LOXL1: variants seen among roughly 807,000 people sequenced by gnomAD.
The protein encoded by LOXL1 is lysyl oxidase like 1, also known as lysyl oxidase homolog 1.
Under a neutral mutation model 62.2 loss-of-function variants are expected in LOXL1, and 31 were observed. The ratio of observed to expected loss-of-function variants is 0.50; its 90% CI spans 0.37 to 0.67. The LOEUF (loss-of-function observed/expected upper bound fraction) is 0.67, where lower values mean the gene tolerates loss of function less well. Ranked by LOEUF, LOXL1 falls within the 30% of genes least tolerant of loss-of-function variation. The pLI is 0.00. For synonymous variants in LOXL1, 403 were observed against 384.4 expected (o/e 1.05, Z -0.56); for missense variants, 775 against 843.4 (o/e 0.92, Z 1.00).
At chr15:73,939,083 T>G (rs151139630) in intron 1 of LOXL1, among the ~76,000 whole-genome samples, 1 of 152,190 alleles carries the variant, frequency 6.6e-6, no homozygotes, top group East Asian at 1.9e-4. Flanking sequence ...CCAGCCTCCT[T>G]ACTCCTACAC....
intron 1 of LOXL1, among the ~76,000 whole-genome samples, chr15:73,933,679 T>G (rs2068650752): frequency 6.6e-6 from 1 of 152,202 alleles, no homozygotes; most frequent in Non-Finnish European, 1.5e-5. Context: ...CTACCTCCTT[T>G]CTAAGCTGGG....
rs190536464 is a variant in LOXL1 at position 73,946,224 on chromosome 15, G to A, written c.1212-193G>A. ...AAGGAGGGGACAGCCAGGATTTCAC[G>A]GGGTCAGAAGACAGAGGAAGAGGCC... On this transcript the variant is annotated intron_variant, in intron 2 of 6. Transcript: ENST00000261921. 927 of 572,954 alleles carry A rather than the reference G, an allele frequency of 1.6e-3. 3 individuals are homozygous for A. The highest frequency in any genetic ancestry group is 2.3e-3 in the Non-Finnish European group (723 of 321,218). 35.5% of individuals were successfully genotyped at this position (572,954 alleles called of 1,614,324 possible).
Position 73,927,507 on chromosome 15 carries a change from G to A in LOXL1, c.724G>A (p.Glu242Lys). The A allele has an allele frequency of 6.8e-7, 1 of 1,481,304 alleles. No homozygotes were observed. Among genetic ancestry groups the A allele is most frequent in the Non-Finnish European group, 8.9e-7 (1 of 1,121,912 alleles). 91.8% of individuals were successfully genotyped at this position (1,481,304 alleles called of 1,614,324 possible). A position where few individuals can be genotyped will look rare whatever the true frequency, so the allele number is the denominator to read the frequency against. Residue 242 changes from glutamate to lysine, a missense_variant, in exon 1 of 7, where the codon GAG becomes AAG. By Grantham distance (56) the Glu-to-Lys change is moderately conservative. Coordinates refer to ENST00000261921, the MANE Select transcript of LOXL1 (RefSeq NM_005576.4). ...ARYEEYGGGE[E>K]LPEYPPQGFY... ...CTACGAGGAGTACGGCGGCGGCGAA[G>A]AGCTGCCCGAGTACCCGCCTCAGGG...
intron 1 of LOXL1, among the ~76,000 whole-genome samples, chr15:73,934,748 A>C (rs2068659199): frequency 6.6e-6 from 1 of 152,252 alleles, no homozygotes; most frequent in Non-Finnish European, 1.5e-5. Context: ...GTATAAACAT[A>C]ATAAATATGT....
At chr15:73,941,105 G>A (rs1021690140) in intron 1 of LOXL1, among the ~76,000 whole-genome samples, 2 of 152,160 alleles carry the variant, frequency 1.3e-5, no homozygotes, top group African/African-American at 4.8e-5. Flanking sequence ...CCCTCCCCCA[G>A]AGGCTTCCAG....
Position 73,927,685 on chromosome 15 carries a change from A to C in LOXL1, c.902A>C (p.His301Pro). The C allele has an allele frequency of 6.7e-7, 1 of 1,484,336 alleles. No individual in the cohort carries two copies. Among genetic ancestry groups the C allele is most frequent in the Non-Finnish European group, 8.9e-7 (1 of 1,124,652 alleles). The allele number at this position is 1,484,336 out of a possible 1,614,324, so 91.9% of individuals were successfully genotyped here. Reference protein sequence around the residue: ...PDPGPEAAQAHGGDPRLGWYP... With the variant: ...PDPGPEAAQAPGGDPRLGWYP... ...CCCGGTCCCGAGGCGGCGCAGGCCC[A>C]TGGCGGAGACCCACGCCTGGGCTGG... is the stretch of plus-strand genomic sequence containing the variant. Residue 301 changes from histidine (H) to proline (P), a missense_variant, in exon 1 of 7, where the codon CAT becomes CCT. Transcript: ENST00000261921.
rs2068739528 is a variant in LOXL1, at chr15:73,945,133, G to A, written c.1212-1284G>A. ...GTGTCTCCCCTCACTGCAGCCCCTC[G>A]TTCCTCTTTCCACCCTTTTCCTTTT... On this transcript the variant is annotated intron_variant, in intron 2 of 6. Coordinates refer to ENST00000261921, the MANE Select transcript of LOXL1 (RefSeq NM_005576.4). This position sits in a 1 kb window ranked among gnomAD's most constrained non-coding sequence, Gnocchi z 4.3. Among the ~76,000 whole-genome samples, 1 of 152,136 alleles carries A rather than the reference G, an allele frequency of 6.6e-6. No homozygotes were observed. The highest frequency in any genetic ancestry group is 2.4e-5 in the African/African-American group (1 of 41,422).
At chr15:73,946,102 C>T (rs1464657812) in intron 2 of LOXL1, among the ~76,000 whole-genome samples, 1 of 152,160 alleles carries the variant, frequency 6.6e-6, no homozygotes, top group East Asian at 1.9e-4. Context: ...GGGCTGACCC[C>T]AGCTGAGTCA....
chr15:73,950,905 T>C (rs12437465), intron 6 of LOXL1, among the ~76,000 whole-genome samples: 59,367 of 152,042 alleles, frequency 0.39, 11,889 homozygotes, highest in South Asian at 0.47. Flanking sequence ...TCCTCATGAG[T>C]AGAATGAGAT....
intron 1 of LOXL1, among the ~76,000 whole-genome samples, chr15:73,929,744 T>C (rs1312126612): frequency 6.6e-6 from 1 of 152,222 alleles, no homozygotes; most frequent in East Asian, 1.9e-4. Flanking sequence ...ATGTTTTACC[T>C]AGAGGGTGCT....
At chr15:73,947,581 C>G in intron 4 of LOXL1, 1 of 519,574 alleles carries the variant, frequency 1.9e-6, no homozygotes, top group Non-Finnish European at 3.4e-6. Context: ...TTTATCCATT[C>G]TGCCATCCAT....
rs933068120 is a variant in LOXL1, at chr15:73,927,763, T to C, written c.980T>C (p.Leu327Pro). 1.1e-5 allele frequency: 16 copies of C among 1,444,050 alleles called. No individual in the cohort carries two copies. In the Admixed American group the frequency reaches 1.9e-4, roughly 17 times the overall value. The allele number at this position is 1,444,050 out of a possible 1,614,324, so 89.5% of individuals were successfully genotyped here. A position where few individuals can be genotyped will look rare whatever the true frequency, so the allele number is the denominator to read the frequency against. Reference sequence around the variant, plus strand: ...GAGGCGTACGGGCCGCCGCGCGCGCTGGAGCCGCCCTACCTGCCGGTGCGC... The same window carrying C: ...GAGGCGTACGGGCCGCCGCGCGCGCCGGAGCCGCCCTACCTGCCGGTGCGC... The part of the protein sequence containing the change: ...PPEAYGPPRA[L>P]EPPYLPVRSS... Residue 327 changes from leucine to proline, a missense_variant, in exon 1 of 7, where the codon CTG (leucine) becomes CCG (proline). Coordinates refer to ENST00000261921, the MANE Select transcript of LOXL1 (RefSeq NM_005576.4).
At chr15:73,948,350 C>T (rs1024907186) in intron 5 of LOXL1, among the ~76,000 whole-genome samples, 1 of 152,208 alleles carries the variant, frequency 6.6e-6, no homozygotes, top group African/African-American at 2.4e-5. Context: ...CTGAACCCCT[C>T]CTGCTCTAAT....
At chr15:73,950,811 C>T (rs1457570554) in intron 6 of LOXL1, among the ~76,000 whole-genome samples, 1 of 152,192 alleles carries the variant, frequency 6.6e-6, no homozygotes, top group Non-Finnish European at 1.5e-5. Context: ...CTACCATCAA[C>T]CTAACTGTTC....
At chr15:73,937,044 G>A (rs1252066441) in intron 1 of LOXL1, among the ~76,000 whole-genome samples, 1 of 152,258 alleles carries the variant, frequency 6.6e-6, no homozygotes, top group African/African-American at 2.4e-5. Context: ...TGGGGAGACT[G>A]GACAAGACAG....
intron 6 of LOXL1, among the ~76,000 whole-genome samples, chr15:73,951,265 C>G (rs763817392): frequency 2.4e-4 from 37 of 152,228 alleles, no homozygotes; most frequent in Non-Finnish European, 5.1e-4. Context: ...GCAGCCTGCG[C>G]GGCCCTCCCA....
intron 1 of LOXL1, among the ~76,000 whole-genome samples, chr15:73,933,693 A>G (rs1431288284): frequency 6.6e-6 from 1 of 152,264 alleles, no homozygotes; most frequent in Non-Finnish European, 1.5e-5. Context: ...AGCTGGGAAC[A>G]CATGGAAGAC....
chr15:73,947,185 G>C lies in LOXL1; in HGVS notation c.1468G>C (p.Gly490Arg). Residue 490 changes from glycine (G) to arginine (R), a missense_variant, in exon 4 of 7, where the codon GGC (glycine) becomes CGC (arginine). Gly to Arg is a moderately radical substitution (Grantham distance 125, BLOSUM62 -2). Transcript: ENST00000261921. ...CCTGGAGGACAGCACCTGTGACTTC[G>C]GCAACCTCAAGCGCTATGCATGCAC... ...FCLEDSTCDF[G>R]NLKRYACTSH... The C allele has an allele frequency of 6.2e-7, 1 of 1,613,242 alleles. No homozygotes were observed. The highest frequency in any genetic ancestry group is 1.1e-5 in the South Asian group (1 of 90,998).
intron 2 of LOXL1, among the ~76,000 whole-genome samples, chr15:73,946,148 C>T (rs1175208364): frequency 3.3e-5 from 5 of 152,310 alleles, no homozygotes; most frequent in Admixed American, 6.5e-5. Context: ...TGCTTGGTAC[C>T]GCTTTAGAAA....
Sources: gnomAD v4.1 joint callset for allele counts (sites outside exome capture counted in the v4.1 genomes callset) on GRCh38, gnomAD v4.1.1 for gene constraint, Gnocchi (gnomAD v3.1) non-coding constraint, MANE v1.5 for transcripts, NCBI Gene and HGNC (gene_info 2026-07-23, HGNC 2026-07-21) for gene names.